The following FRAS1 variants were observed in gnomAD, a reference collection of about 807,000 sequenced individuals.
FRAS1 encodes the protein extracellular matrix organizing protein FRAS1.
In FRAS1, 290 loss-of-function variants were observed where a neutral mutation model predicts 435.2. The ratio of observed to expected loss-of-function variants is 0.67; its 90% CI spans 0.61 to 0.73. FRAS1 has a LOEUF of 0.73. Among genes scored for constraint, FRAS1 ranks in the 30% least tolerant of loss-of-function variants. FRAS1 has a pLI of 0.00. For synonymous variants in FRAS1, 1,800 were observed against 1,851.0 expected, an observed-to-expected ratio of 0.97 and a Z score of 0.71; for missense variants, 4,860 against 5,001.5, an observed-to-expected ratio of 0.97 and a Z score of 0.85.
rs1350829830 is a variant in FRAS1 at position 78,489,036 on chromosome 4, C to G, written c.8914C>G (p.Gln2972Glu). 1 of 1,613,598 alleles carries G rather than the reference C, an allele frequency of 6.2e-7. No individual in the cohort carries two copies. Among genetic ancestry groups the G allele is most frequent in the South Asian group, 1.1e-5 (1 of 91,058 alleles). ...AQVMEDFEER[Q>E]NADSSRITFL... ...GGTCATGGAGGACTTTGAGGAGAGA[C>G]AAAATGCAGACTCTTCACGGATTAC... is the stretch of plus-strand genomic sequence containing the variant. Residue 2972 changes from glutamine to glutamate, a missense_variant, in exon 59 of 74, where the codon CAA becomes GAA. Transcript: ENST00000512123.
chr4:78,449,378 A>T (rs1346669516), intron 44 of FRAS1, among the ~76,000 whole-genome samples: 1 of 152,176 alleles, frequency 6.6e-6, no homozygotes, highest in Non-Finnish European at 1.5e-5. Context: ...CTCATCCCTC[A>T]AGGTTGCTCT....
intron 2 of FRAS1, among the ~76,000 whole-genome samples, chr4:78,070,195 A>G (rs536982944): frequency 1.3e-5 from 2 of 152,310 alleles, no homozygotes; most frequent in South Asian, 2.1e-4. Context: ...TTAAAAACAT[A>G]CAATGTACAG....
chr4:78,303,237 A>G (rs866301516), intron 14 of FRAS1, among the ~76,000 whole-genome samples: 6 of 152,170 alleles, frequency 3.9e-5, no homozygotes, highest in African/African-American at 1.4e-4. Flanking sequence ...TGGTACCAGT[A>G]CCATGCTGTT....
At chr4:78,488,715 C>A (rs908667327) in intron 58 of FRAS1, among the ~76,000 whole-genome samples, 160 bp from the exon 59 acceptor site, 3 of 152,166 alleles carry the variant, frequency 2.0e-5, no homozygotes, top group African/African-American at 7.2e-5. Flanking sequence ...GAGCAACAAC[C>A]ATGCTTTGGA....
In FRAS1 at chr4:78,470,006, G is replaced by A. The variant is rs373084707; in HGVS notation, c.7286G>A (p.Arg2429Gln). 348 of 1,613,514 alleles carry A rather than the reference G, an allele frequency of 2.2e-4. No homozygotes were observed. The highest frequency in any genetic ancestry group is 2.8e-4 in the Non-Finnish European group (332 of 1,179,762). Residue 2429 changes from arginine (R) to glutamine (Q), a missense_variant, in exon 51 of 74, where the codon CGA (arginine) becomes CAA (glutamine). Transcript: ENST00000512123. Reference sequence around the variant, plus strand: ...ATGACAGCAGCACCTCAGCCGTTCCGAGTAGACATCCTCCCGGTAGATGAT... The same window carrying A: ...ATGACAGCAGCACCTCAGCCGTTCCAAGTAGACATCCTCCCGGTAGATGAT... ...EIMTAAPQPF[R>Q]VDILPVDDGT... is the part of the protein sequence containing the mutation.
chr4:78,492,788 A>C (rs1291849629), intron 59 of FRAS1, among the ~76,000 whole-genome samples: 2 of 152,266 alleles, frequency 1.3e-5, no homozygotes, highest in Non-Finnish European at 2.9e-5. Flanking sequence ...AATGGCAACG[A>C]AAGCCAAAAT....
At chr4:78,075,184 C>T (rs779616502) in intron 2 of FRAS1, among the ~76,000 whole-genome samples, 1 of 152,142 alleles carries the variant, frequency 6.6e-6, no homozygotes, top group Non-Finnish European at 1.5e-5. Context: ...GGGTGGGAAA[C>T]AAGAATTCTC....
intron 14 of FRAS1, among the ~76,000 whole-genome samples, chr4:78,301,587 G>A (rs1379231598): frequency 2.6e-5 from 4 of 152,152 alleles, no homozygotes; most frequent in Non-Finnish European, 5.9e-5. Flanking sequence ...TTGAATCTGG[G>A]ACTAGAGTCC....
chr4:78,188,951 A>G (rs1010304113), intron 2 of FRAS1, among the ~76,000 whole-genome samples: 2 of 152,096 alleles, frequency 1.3e-5, no homozygotes, highest in African/African-American at 2.4e-5. Context: ...TATGTGCCCT[A>G]CAGATGCGGT....
chr4:78,424,249 G>A (rs1446966907), intron 34 of FRAS1, 139 bp from the exon 35 acceptor site: 7 of 448,736 alleles, frequency 1.6e-5, no homozygotes, highest in Non-Finnish European at 2.8e-5. Flanking sequence ...AAATGACCTG[G>A]TGATCTTTCC....
At chr4:78,506,016 T>C (rs570595796) in intron 61 of FRAS1, among the ~76,000 whole-genome samples, 32 of 152,356 alleles carry the variant, frequency 2.1e-4, no homozygotes, top group African/African-American at 3.8e-4. Flanking sequence ...TGGAGTTTGC[T>C]GGAAGTCCAC....
intron 23 of FRAS1, 107 bp downstream of exon 23, chr4:78,370,091 G>C: frequency 9.7e-7 from 1 of 1,035,666 alleles, no homozygotes; most frequent in Non-Finnish European, 1.4e-6. Context: ...CATATATTTT[G>C]ACTGTCTCTG....
chr4:78,456,736 A>G (rs1719213874), intron 47 of FRAS1, among the ~76,000 whole-genome samples: 1 of 152,228 alleles, frequency 6.6e-6, no homozygotes, highest in Non-Finnish European at 1.5e-5. Context: ...TAGGGATGCT[A>G]TTAACAAATG....
intron 2 of FRAS1, among the ~76,000 whole-genome samples, chr4:78,118,492 G>T (rs1219376252): frequency 6.6e-6 from 1 of 152,148 alleles, no homozygotes; most frequent in African/African-American, 2.4e-5. Flanking sequence ...CGGCTGCTTT[G>T]TTTACCTACT....
intron 22 of FRAS1, among the ~76,000 whole-genome samples, chr4:78,364,636 G>A (rs1308234170): frequency 6.6e-6 from 1 of 152,068 alleles, no homozygotes; most frequent in Non-Finnish European, 1.5e-5. Context: ...CTTGAGTCAG[G>A]CACAAAGGGT....
chr4:78,284,348 A>G, intron 12 of FRAS1, 57 bp from the exon 13 acceptor site: 1 of 1,545,166 alleles, frequency 6.5e-7, no homozygotes, highest in Non-Finnish European at 8.9e-7. Context: ...TGAAGGATGT[A>G]AGAGAAATAA....
intron 10 of FRAS1, among the ~76,000 whole-genome samples, chr4:78,279,472 G>A (rs1727216717): frequency 6.6e-6 from 1 of 152,120 alleles, no homozygotes; most frequent in Admixed American, 6.5e-5. Context: ...AACCTGGTTG[G>A]TGGGGTTTTG....
chr4:78,519,669 A>G (rs1560423920), intron 67 of FRAS1, among the ~76,000 whole-genome samples, 188 bp downstream of exon 67: 1 of 152,190 alleles, frequency 6.6e-6, no homozygotes, highest in Non-Finnish European at 1.5e-5. Flanking sequence ...CTGATGCTGG[A>G]AGGTCTCAGC....
chr4:78,480,237 C>A (rs976290956), intron 56 of FRAS1, among the ~76,000 whole-genome samples: 1 of 152,152 alleles, frequency 6.6e-6, no homozygotes, highest in South Asian at 2.1e-4. Flanking sequence ...CATTTCCCAC[C>A]CCCACTACTC....
Sources: allele counts gnomAD v4.1 joint callset (sites outside exome capture counted in the v4.1 genomes callset), GRCh38; gene constraint gnomAD v4.1.1; transcripts MANE v1.5; gene names NCBI Gene and HGNC (gene_info 2026-07-23, HGNC 2026-07-21).